NBAS: variants seen among roughly 807,000 people sequenced by gnomAD.
NBAS encodes the protein NBAS subunit of NRZ tethering complex.
Under a neutral mutation model 302.5 loss-of-function variants are expected in NBAS, and 219 were observed. That is an observed-to-expected ratio of 0.72 (90% CI 0.65 to 0.81). The LOEUF is 0.81. Among genes scored for constraint, NBAS ranks in the 30% least tolerant of loss-of-function variants. The pLI is 0.00. For missense variants in NBAS, 2,932 were observed against 2,841.6 expected, an observed-to-expected ratio of 1.03 and a Z score of -0.72; for synonymous variants, 1,118 against 1,021.6, an observed-to-expected ratio of 1.09 and a Z score of -1.80.
At chr2:15,144,067 A>ATATATATATAT in the NBAS span, among the ~76,000 whole-genome samples, 2 of 115,828 alleles carry the variant, frequency 1.7e-5, no homozygotes, top group African/African-American at 6.8e-5. Flanking sequence ...ATATATATAT[A>ATATATATATAT]TCTCCCATTA....
the NBAS span, among the ~76,000 whole-genome samples, chr2:14,880,531 A>G: frequency 6.6e-6 from 1 of 152,084 alleles, no homozygotes; most frequent in East Asian, 1.9e-4. Context: ...ATTGATGAAA[A>G]AGACAAAATC....
the NBAS span, among the ~76,000 whole-genome samples, chr2:14,887,917 T>C: frequency 1.3e-5 from 2 of 152,194 alleles, no homozygotes; most frequent in Non-Finnish European, 2.9e-5. Flanking sequence ...GAACACTCTC[T>C]CTTTACATGT....
intron 21 of NBAS, among the ~76,000 whole-genome samples, chr2:15,448,959 G>A (rs1437717322): frequency 3.3e-5 from 5 of 152,080 alleles, no homozygotes; most frequent in Admixed American, 1.3e-4. Context: ...AAGATGTTAC[G>A]ATCTATGTAA....
intron 25 of NBAS, among the ~76,000 whole-genome samples, chr2:15,410,904 G>A (rs1676653804): frequency 6.6e-6 from 1 of 152,156 alleles, no homozygotes; most frequent in Non-Finnish European, 1.5e-5. Flanking sequence ...AGTAGGTCTG[G>A]AAGATGGGCA....
chr2:15,400,579 A>AG (rs1437809147), intron 26 of NBAS, among the ~76,000 whole-genome samples: 2 of 152,190 alleles, frequency 1.3e-5, no homozygotes, highest in Non-Finnish European at 2.9e-5. Flanking sequence ...GGCAAAGACA[A>AG]GGAAAAACCT....
At chr2:15,241,745 G>A (rs1667875753) in intron 44 of NBAS, among the ~76,000 whole-genome samples, 1 of 152,128 alleles carries the variant, frequency 6.6e-6, no homozygotes, top group African/African-American at 2.4e-5. Context: ...TCTCCCGTTG[G>A]TTTGTCATCT....
At chr2:15,336,357 A>G (rs1376970720) in intron 35 of NBAS, among the ~76,000 whole-genome samples, 1 of 152,104 alleles carries the variant, frequency 6.6e-6, no homozygotes, top group East Asian at 1.9e-4. Context: ...TATGTGAAAA[A>G]TCTCTATTGC....
the NBAS span, among the ~76,000 whole-genome samples, chr2:14,796,823 C>T: frequency 6.6e-6 from 1 of 151,406 alleles, no homozygotes; most frequent in Non-Finnish European, 1.5e-5. Flanking sequence ...CTACCTACAG[C>T]CTATGCCTCC....
the NBAS span, among the ~76,000 whole-genome samples, chr2:14,981,052 A>G: frequency 6.7e-6 from 1 of 149,516 alleles, no homozygotes; most frequent in African/African-American, 2.5e-5. Context: ...GTAAAAAAGA[A>G]AAAAATGAGA....
At chr2:15,366,918 A>C (rs1043731503) in intron 31 of NBAS, among the ~76,000 whole-genome samples, 3 of 152,212 alleles carry the variant, frequency 2.0e-5, no homozygotes, top group African/African-American at 7.2e-5. Flanking sequence ...AAACTTCTGA[A>C]GCACAGGAAA....
intron 9 of NBAS, among the ~76,000 whole-genome samples, chr2:15,514,381 G>A (rs186274574): frequency 3.6e-4 from 55 of 152,204 alleles, no homozygotes; most frequent in Non-Finnish European, 3.4e-4. Flanking sequence ...GGGTAATCTG[G>A]AATATCCAAA....
intron 48 of NBAS, among the ~76,000 whole-genome samples, chr2:15,208,021 C>A (rs1989561): frequency 6.9e-6 from 1 of 144,818 alleles, no homozygotes; most frequent in Non-Finnish European, 1.5e-5. Context: ...AATGCTTGAG[C>A]ACCCAGATAT....
At chr2:14,963,807 T>C in the NBAS span, among the ~76,000 whole-genome samples, 1 of 152,346 alleles carries the variant, frequency 6.6e-6, no homozygotes, top group Non-Finnish European at 1.5e-5. Flanking sequence ...CTTGATGATT[T>C]TGCTTTGTGT....
chr2:14,943,470 A>G, the NBAS span, among the ~76,000 whole-genome samples: 1 of 152,378 alleles, frequency 6.6e-6, no homozygotes, highest in African/African-American at 2.4e-5. Flanking sequence ...ACCTAATTGC[A>G]TTGCAGTGTC....
At chr2:15,491,700 C>A (rs898348456) in intron 11 of NBAS, among the ~76,000 whole-genome samples, 1 of 151,384 alleles carries the variant, frequency 6.6e-6, no homozygotes, top group African/African-American at 2.4e-5. Flanking sequence ...CGTGCCACTG[C>A]ACTCCAGCCT....
At chr2:15,552,093 G>A (rs983370021) in intron 5 of NBAS, among the ~76,000 whole-genome samples, 5 of 152,022 alleles carry the variant, frequency 3.3e-5, no homozygotes, top group African/African-American at 1.2e-4. Flanking sequence ...AATGAAAACT[G>A]GTAAACCTTC....
At chr2:15,333,418 A>G (rs1672439848) in intron 35 of NBAS, among the ~76,000 whole-genome samples, 1 of 152,138 alleles carries the variant, frequency 6.6e-6, no homozygotes. Context: ...AACTAGAGGG[A>G]AGGGAAAGCC....
chr2:15,100,624 G>A, the NBAS span, among the ~76,000 whole-genome samples: 5 of 152,112 alleles, frequency 3.3e-5, no homozygotes, highest in African/African-American at 7.2e-5. Flanking sequence ...ACAGGGTGTC[G>A]AATTTAGTGA....
At chr2:14,968,171 G>T in the NBAS span, among the ~76,000 whole-genome samples, 2 of 152,172 alleles carry the variant, frequency 1.3e-5, no homozygotes, top group African/African-American at 2.4e-5. Flanking sequence ...TGTTATCAGT[G>T]TTGACACCCA....
Sources: gnomAD v4.1 joint callset for allele counts (sites outside exome capture counted in the v4.1 genomes callset) on GRCh38, gnomAD v4.1.1 for gene constraint, MANE v1.5 for transcripts, NCBI Gene and HGNC (gene_info 2026-07-23, HGNC 2026-07-21) for gene names.